The following CNTNAP5 variants were observed in gnomAD, a reference collection of about 807,000 sequenced individuals.
CNTNAP5 encodes the protein contactin associated protein family member 5.
In CNTNAP5, 72 loss-of-function variants were observed where a neutral mutation model predicts 150.2. The observed-to-expected ratio is 0.48, with a 90% confidence interval of 0.40 to 0.58. The LOEUF is 0.58. Ranked by LOEUF, CNTNAP5 falls within the 20% of genes least tolerant of loss-of-function variation. The pLI is 0.00. For synonymous variants in CNTNAP5, 672 were observed against 619.8 expected (o/e 1.08, Z -1.25); for missense variants, 1,636 against 1,626.2 (o/e 1.01, Z -0.10).
In CNTNAP5 at chr2:124,562,750, C is replaced by T. The variant is rs1695923126; in HGVS notation, c.1650-467C>T. ...ATCATCTTTTCTAACTTCGTGTTGTCTTTGTGCAGTTTAAAATAGATACCT... is the reference window on the plus strand; with the variant it reads ...ATCATCTTTTCTAACTTCGTGTTGTTTTTGTGCAGTTTAAAATAGATACCT... On this transcript the variant is annotated intron_variant, in intron 10 of 23. Transcript: ENST00000682447. Among the ~76,000 whole-genome samples the T allele has an allele frequency of 2.0e-5, 3 of 152,232 alleles. No individual in the cohort carries two copies. The South Asian group carries it at 6.2e-4, about 32-fold the overall frequency.
intron 1 of CNTNAP5, among the ~76,000 whole-genome samples, chr2:124,095,931 G>A (rs1430949846): frequency 1.3e-5 from 2 of 152,084 alleles, no homozygotes; most frequent in Non-Finnish European, 2.9e-5. Context: ...ATAAGTTGAG[G>A]CTTAGATAGA....
intron 3 of CNTNAP5, among the ~76,000 whole-genome samples, chr2:124,316,876 A>C (rs1487344551): frequency 6.6e-6 from 1 of 151,364 alleles, no homozygotes; most frequent in African/African-American, 2.4e-5. Context: ...CTCATAGTGA[A>C]CCTTCCTGTA....
At chr2:124,797,401 T>C (rs1309953443) in intron 18 of CNTNAP5, among the ~76,000 whole-genome samples, 2 of 152,196 alleles carry the variant, frequency 1.3e-5, no homozygotes, top group African/African-American at 4.8e-5. Context: ...CAGTGTGTTA[T>C]GCTAGAGGGA....
In CNTNAP5 at chr2:124,570,227, A is replaced by T. The variant is rs117296393; in HGVS notation, c.1756+6904A>T. On this transcript the variant is annotated intron_variant, in intron 11 of 23. Transcript: ENST00000682447. Reference sequence around the variant, plus strand: ...GAGGCATGTGCACATAACAATGTCAAGTTACTGTAGCAAGAGCATTGTTAC... The same window carrying T: ...GAGGCATGTGCACATAACAATGTCATGTTACTGTAGCAAGAGCATTGTTAC... Among the ~76,000 whole-genome samples the T allele has an allele frequency of 2.8e-4, 42 of 152,354 alleles. No individual in the cohort carries two copies. In the East Asian group the frequency reaches 6.4e-3, roughly 23 times the overall value.
chr2:124,702,142 G>T (rs543707969), intron 13 of CNTNAP5, among the ~76,000 whole-genome samples: 28 of 151,676 alleles, frequency 1.8e-4, no homozygotes, highest in African/African-American at 6.8e-4. Context: ...CACCTACCAA[G>T]GCTTTGATCC....
chr2:124,800,906 C>T (rs1338428408), intron 19 of CNTNAP5, among the ~76,000 whole-genome samples: 2 of 152,110 alleles, frequency 1.3e-5, no homozygotes, highest in South Asian at 2.1e-4. Context: ...TGAGAACATG[C>T]GCCCAAGGTG....
intron 13 of CNTNAP5, among the ~76,000 whole-genome samples, chr2:124,730,168 C>T (rs1201674912): frequency 6.6e-6 from 1 of 151,880 alleles, no homozygotes; most frequent in Non-Finnish European, 1.5e-5. Context: ...TGTCTTTGAC[C>T]AATATAGCTA....
chr2:124,323,631 A>G (rs1689150573), intron 3 of CNTNAP5, among the ~76,000 whole-genome samples: 1 of 152,112 alleles, frequency 6.6e-6, no homozygotes, highest in Non-Finnish European at 1.5e-5. Context: ...CAGCACCCTC[A>G]TATCACATGC....
chr2:124,897,184 G>A (rs1384493147), intron 21 of CNTNAP5, among the ~76,000 whole-genome samples: 1 of 151,472 alleles, frequency 6.6e-6, no homozygotes, highest in Non-Finnish European at 1.5e-5. Context: ...AATGAGTAGG[G>A]AACCATAAAT....
At chr2:124,399,255 C>T (rs1480583547) in intron 3 of CNTNAP5, among the ~76,000 whole-genome samples, 1 of 152,062 alleles carries the variant, frequency 6.6e-6, no homozygotes, top group East Asian at 1.9e-4. Context: ...AGGAGGAGAT[C>T]ATGATAAATG....
intron 21 of CNTNAP5, among the ~76,000 whole-genome samples, chr2:124,876,918 C>T (rs916089854): frequency 6.6e-6 from 1 of 152,052 alleles, no homozygotes; most frequent in Non-Finnish European, 1.5e-5. Flanking sequence ...TTTAGAGCAT[C>T]CTGAAATATC....
intron 3 of CNTNAP5, among the ~76,000 whole-genome samples, chr2:124,252,028 C>T (rs898838393): frequency 1.1e-4 from 17 of 152,124 alleles, no homozygotes; most frequent in African/African-American, 4.1e-4. Context: ...AAATGCAGTG[C>T]AGGTGCAAAT....
intron 3 of CNTNAP5, among the ~76,000 whole-genome samples, chr2:124,363,734 C>T (rs1384833315): frequency 6.6e-6 from 1 of 152,124 alleles, no homozygotes; most frequent in Non-Finnish European, 1.5e-5. Context: ...GGGGCAAGAA[C>T]AAAACCTTCG....
intron 3 of CNTNAP5, among the ~76,000 whole-genome samples, chr2:124,281,789 C>A (rs1688018918): frequency 6.6e-6 from 1 of 152,094 alleles, no homozygotes; most frequent in East Asian, 1.9e-4. Context: ...CGGATGGGAC[C>A]TTTTAAGCCA....
In CNTNAP5 at chr2:124,860,468, C is replaced by T. The variant is rs1314394236; in HGVS notation, c.3218-4838C>T. 1.4e-3 allele frequency among the ~76,000 whole-genome samples: 114 copies of T among 79,496 alleles called. 5 individuals are homozygous for T. The highest frequency in any genetic ancestry group is 6.6e-3 in the African/African-American group (101 of 15,352). 52.2% of individuals were successfully genotyped at this position (79,496 alleles called of 152,430 possible). On this transcript the variant is annotated intron_variant, in intron 19 of 23. Coordinates refer to ENST00000682447, the MANE Select transcript of CNTNAP5 (RefSeq NM_001367498.1). ...CCTTCCTTCTTTCCTTCCTTCCTTC[C>T]TTCCTTCCTTCCTTCCTTCCTTCCT...
intron 3 of CNTNAP5, among the ~76,000 whole-genome samples, chr2:124,273,126 T>G (rs1687800272): frequency 6.6e-6 from 1 of 152,194 alleles, no homozygotes; most frequent in Admixed American, 6.5e-5. Flanking sequence ...GTGTGCAACA[T>G]ACCCAGTATA....
chr2:124,198,851 T>A (rs1329324860), intron 1 of CNTNAP5, among the ~76,000 whole-genome samples: 4 of 147,670 alleles, frequency 2.7e-5, no homozygotes, highest in African/African-American at 1.0e-4. Context: ...GCCAGATTTC[T>A]TGCCACATGA....
chr2:124,572,554 A>T (rs1696189557), intron 11 of CNTNAP5, among the ~76,000 whole-genome samples: 1 of 152,180 alleles, frequency 6.6e-6, no homozygotes, highest in Non-Finnish European at 1.5e-5. Context: ...TGTCAGGAGG[A>T]TGTTTTTCAA....
intron 2 of CNTNAP5, among the ~76,000 whole-genome samples, chr2:124,240,507 C>A (rs1366802536): frequency 6.6e-6 from 1 of 152,038 alleles, no homozygotes; most frequent in Non-Finnish European, 1.5e-5. Flanking sequence ...AATTCTACTA[C>A]CAAAGAAGGA....
Sources: allele counts gnomAD v4.1 joint callset (sites outside exome capture counted in the v4.1 genomes callset), GRCh38; gene constraint gnomAD v4.1.1; transcripts MANE v1.5; gene names NCBI Gene and HGNC (gene_info 2026-07-23, HGNC 2026-07-21).